Variants in RBFOX1 observed in about 807,000 individuals in gnomAD.
RBFOX1 encodes RNA binding protein fox-1 homolog 1.
Under a neutral mutation model 57.7 loss-of-function variants are expected in RBFOX1, and 8 were observed. That is an observed-to-expected ratio of 0.14 (90% confidence interval 0.08 to 0.25). RBFOX1 has a LOEUF of 0.25. Among genes scored for constraint, RBFOX1 ranks in the 10% least tolerant of loss-of-function variants. The pLI, the probability that RBFOX1 is intolerant of heterozygous loss-of-function variation, is 1.00. For synonymous variants in RBFOX1, 326 were observed against 222.4 expected (o/e 1.47, Z -4.15); for missense variants, 611 against 548.5 (o/e 1.11, Z -1.14).
intron 4 of RBFOX1, among the ~76,000 whole-genome samples, chr16:7,268,452 C>T (rs1026615994): frequency 4.6e-5 from 7 of 152,164 alleles, no homozygotes; most frequent in Non-Finnish European, 1.0e-4. Context: ...GGTCGTTCCT[C>T]TGCCCAAATT....
At chr16:6,077,342 A>C (rs978183647) in intron 1 of RBFOX1, among the ~76,000 whole-genome samples, 2 of 152,090 alleles carry the variant, frequency 1.3e-5, no homozygotes, top group Non-Finnish European at 2.9e-5. Context: ...CATATCTTTA[A>C]AAGGTCACCG....
At chr16:7,706,496 T>G (rs2082483670) in intron 14 of RBFOX1, among the ~76,000 whole-genome samples, 1 of 152,228 alleles carries the variant, frequency 6.6e-6, no homozygotes, top group Non-Finnish European at 1.5e-5. Flanking sequence ...AGCTACGCTT[T>G]TATTAAATAC....
At chr16:6,643,154 A>T (rs933540999) in intron 2 of RBFOX1, among the ~76,000 whole-genome samples, 4 of 152,214 alleles carry the variant, frequency 2.6e-5, no homozygotes, top group Non-Finnish European at 4.4e-5. Context: ...GTCATTTGAG[A>T]CTTAAATTTT....
At chr16:6,205,448 A>T (rs1166384911) in intron 1 of RBFOX1, among the ~76,000 whole-genome samples, 2 of 152,152 alleles carry the variant, frequency 1.3e-5, no homozygotes. Context: ...ACTTTAGGGG[A>T]AGCACACTTC....
chr16:6,205,231 G>A lies in RBFOX1; in HGVS notation c.-126-111764G>A, dbSNP rs74006935. Among the ~76,000 whole-genome samples, 928 of 152,222 alleles carry A rather than the reference G, an allele frequency of 6.1e-3. 9 individuals are homozygous for A. Among genetic ancestry groups the A allele is most frequent in the African/African-American group, 0.021 (855 of 41,520 alleles). ...TATGGGAGACTTGCTAGCTAGTTCC[G>A]AAGAGTCCTCTTCTGTCAGGGCAGA... is the stretch of plus-strand genomic sequence containing the variant. On this transcript the variant is annotated intron_variant, in intron 1 of 15. Transcript: ENST00000550418.
chr16:6,081,777 A>G (rs908979832), intron 1 of RBFOX1, among the ~76,000 whole-genome samples: 18 of 152,184 alleles, frequency 1.2e-4, no homozygotes, highest in Non-Finnish European at 1.8e-4. Flanking sequence ...GAACAAAGTG[A>G]ACAGCCGTGT....
In RBFOX1 at chr16:7,710,710, T is replaced by C; in HGVS notation, c.1159T>C (p.Tyr387His). Residue 387 changes from tyrosine (Y) to histidine (H), a missense_variant, in exon 16 of 16, where the codon TAC becomes CAC. Transcript: ENST00000550418. ...LVLSSLQASI[Y>H]RGGYNRFAPY The stretch of plus-strand genomic sequence containing the variant: ...TCTTTCTTCATTGCAGGCTAGTATA[T>C]ACCGAGGGGGATACAACCGTTTTGC... 1.2e-6 allele frequency: 2 copies of C among 1,609,382 alleles called. No homozygotes were observed. The highest frequency in any genetic ancestry group is 2.2e-5 in the East Asian group (1 of 44,760).
At chr16:7,527,455 T>C (rs2152329506) in intron 5 of RBFOX1, among the ~76,000 whole-genome samples, 1 of 152,280 alleles carries the variant, frequency 6.6e-6, no homozygotes, top group African/African-American at 2.4e-5. Flanking sequence ...ACCCATGTGT[T>C]TGACGTTCTT....
intron 4 of RBFOX1, among the ~76,000 whole-genome samples, chr16:7,206,825 T>C (rs1367414439): frequency 6.6e-6 from 1 of 152,094 alleles, no homozygotes; most frequent in Non-Finnish European, 1.5e-5. Flanking sequence ...AAGTTGGGAT[T>C]TATAAACAAT....
rs1352968214 is a variant in RBFOX1, at chr16:6,450,743, A to G, written c.-64+133686A>G. Reference sequence around the variant, plus strand: ...TGGTGGTGGCAGGGGAATAAATTTTATATATATATACATATATATATGTGT... The same window carrying G: ...TGGTGGTGGCAGGGGAATAAATTTTGTATATATATACATATATATATGTGT... On this transcript the variant is annotated intron_variant, in intron 2 of 15. Transcript: ENST00000550418. Among the ~76,000 whole-genome samples the G allele has an allele frequency of 2.9e-4, 23 of 78,748 alleles. No homozygotes were observed. The South Asian group carries it at 8.5e-3, about 29-fold the overall frequency. 51.7% of individuals were successfully genotyped at this position (78,748 alleles called of 152,430 possible).
At chr16:7,353,353 C>A (rs947592859) in intron 4 of RBFOX1, among the ~76,000 whole-genome samples, 8 of 152,252 alleles carry the variant, frequency 5.3e-5, no homozygotes, top group Non-Finnish European at 1.2e-4. Flanking sequence ...AATGCACATA[C>A]ATTGCTGGCA....
chr16:7,358,563 G>A (rs535437695), intron 4 of RBFOX1, among the ~76,000 whole-genome samples: 2 of 152,260 alleles, frequency 1.3e-5, no homozygotes, highest in Admixed American at 6.5e-5. Flanking sequence ...TGGAATTACA[G>A]GAGTCTGCCA....
At chr16:5,800,583 A>G (rs1475034138) in intron 3 of RBFOX1, among the ~76,000 whole-genome samples, 1 of 152,138 alleles carries the variant, frequency 6.6e-6, no homozygotes, top group Non-Finnish European at 1.5e-5. Flanking sequence ...GAATTGGAGG[A>G]CACGGGATGG....
intron 12 of RBFOX1, 89 bp from the exon 13 acceptor site, chr16:7,664,840 C>T: frequency 3.7e-6 from 6 of 1,607,738 alleles, no homozygotes; most frequent in Middle Eastern, 1.7e-4. Context: ...ATCTTGTGAC[C>T]AGACTAACCT....
intron 1 of RBFOX1, among the ~76,000 whole-genome samples, chr16:5,272,572 A>C (rs182641579): frequency 6.6e-6 from 1 of 152,134 alleles, no homozygotes; most frequent in Non-Finnish European, 1.5e-5. Context: ...GCCTCTACCG[A>C]TACCCCACTG....
chr16:5,757,450 T>C (rs2053440788), intron 3 of RBFOX1, among the ~76,000 whole-genome samples: 1 of 152,230 alleles, frequency 6.6e-6, no homozygotes, highest in South Asian at 2.1e-4. Flanking sequence ...CGGGATGGTC[T>C]CGATCTCTTG....
intron 2 of RBFOX1, among the ~76,000 whole-genome samples, chr16:6,528,172 C>T (rs918122585): frequency 6.6e-6 from 1 of 152,068 alleles, no homozygotes; most frequent in Non-Finnish European, 1.5e-5. Context: ...GTCTTCGGCA[C>T]TTTTATCCTC....
chr16:7,679,907 G>A (rs972429491), intron 14 of RBFOX1, among the ~76,000 whole-genome samples: 2 of 152,090 alleles, frequency 1.3e-5, no homozygotes, highest in Non-Finnish European at 2.9e-5. Flanking sequence ...ATGGGAATAG[G>A]TGAACATCTT....
intron 5 of RBFOX1, among the ~76,000 whole-genome samples, chr16:7,532,207 C>G (rs75584952): frequency 0.018 from 2,662 of 151,782 alleles, 35 homozygotes; most frequent in Non-Finnish European, 0.028. Context: ...TTCGTCCCCC[C>G]TCTTCCCTCT....
Sources: gnomAD v4.1 joint callset for allele counts (sites outside exome capture counted in the v4.1 genomes callset) on GRCh38, gnomAD v4.1.1 for gene constraint, MANE v1.5 for transcripts, NCBI Gene and HGNC (gene_info 2026-07-23, HGNC 2026-07-21) for gene names.